The following COL9A1 variants were observed in gnomAD, a reference collection of about 807,000 sequenced individuals.
COL9A1 encodes collagen alpha-1(IX) chain.
Under a neutral mutation model 142.6 loss-of-function variants are expected in COL9A1, and 104 were observed. That is an observed-to-expected ratio of 0.73 (90% CI 0.62 to 0.86). The LOEUF (loss-of-function observed/expected upper bound fraction) is 0.86. Ranked by LOEUF, COL9A1 falls within the 40% of genes least tolerant of loss-of-function variation. The pLI is 0.00. For synonymous variants in COL9A1, 466 were observed against 396.0 expected (o/e 1.18, Z -2.10); for missense variants, 1,210 against 1,176.6 (o/e 1.03, Z -0.42).
At chr6:70,289,480 C>T (rs1449258067) in intron 5 of COL9A1, among the ~76,000 whole-genome samples, 1 of 152,068 alleles carries the variant, frequency 6.6e-6, no homozygotes, top group African/African-American at 2.4e-5. Flanking sequence ...CATTTCATTG[C>T]CACCTAGTGG....
At chr6:70,290,364 C>T (rs945491938) in intron 5 of COL9A1, among the ~76,000 whole-genome samples, 7 of 151,996 alleles carry the variant, frequency 4.6e-5, no homozygotes, top group African/African-American at 1.7e-4. Context: ...AATATTGGCA[C>T]AAAGGAGAAT....
chr6:70,216,872 A>G lies in COL9A1; in HGVS notation c.*25T>C, dbSNP rs755948864. ...CTCCTTCACCAGGCGTGGTTCATGC[A>G]GACAGCCATGCAGCAGTAAGCCTTT... On this transcript the variant is annotated 3_prime_UTR_variant, in exon 38 of 38. Transcript: ENST00000357250. 1.2e-6 allele frequency: 2 copies of G among 1,613,138 alleles called. No homozygotes were observed. The highest frequency in any genetic ancestry group is 3.3e-5 in the Admixed American group (2 of 60,018).
chr6:70,286,138 C>T (rs186448907), intron 5 of COL9A1, among the ~76,000 whole-genome samples: 12 of 152,174 alleles, frequency 7.9e-5, no homozygotes, highest in East Asian at 1.9e-4. Context: ...CCGCCTGCCT[C>T]GGCCTCCCAA....
At chr6:70,295,281 CTTTTTT>C (rs1171549562) in intron 4 of COL9A1, among the ~76,000 whole-genome samples, 81 of 63,168 alleles carry the variant, frequency 1.3e-3, no homozygotes, top group African/African-American at 5.1e-3. Context: ...GTTGTTGCTT[CTTTTTT>C]TTTTTTTTTT....
chr6:70,263,245 G>T lies in COL9A1; in HGVS notation c.1394C>A (p.Pro465Gln). Residue 465 changes from proline (P) to glutamine (Q), a missense_variant and splice_region_variant, in exon 19 of 38, where the codon CCA becomes CAA. Pro to Gln is a moderately conservative substitution (Grantham distance 76). Coordinates refer to ENST00000357250, the MANE Select transcript of COL9A1 (RefSeq NM_001851.6). ...ELGEVGAQGP[P>Q]GAQGLRGITG... ...AATATTTTTTAAAAAATACTTTACT[G>T]GAGGTCCTTGAGCTCCAACTTCTCC... The T allele has an allele frequency of 6.2e-7, 1 of 1,603,060 alleles. No homozygotes were observed. The highest frequency in any genetic ancestry group is 1.1e-5 in the South Asian group (1 of 88,802).
chr6:70,239,258 C>G lies in COL9A1; in HGVS notation c.2108G>C (p.Gly703Ala). Residue 703 changes from glycine to alanine, a missense_variant, in exon 33 of 38, where the codon GGA becomes GCA. Physicochemically the swap from Gly to Ala is moderately conservative, Grantham distance 60. Transcript: ENST00000357250. ...ATTACTATTCACCATACTTACAGAT[C>G]CCTTTGGGCCAGGTAATCCTATATC... ...LGDIGLPGPK[G>A]SAGNPGEPGL... 6.4e-7 allele frequency: 1 copy of G among 1,554,628 alleles called. No individual in the cohort carries two copies. The highest frequency in any genetic ancestry group is 8.9e-7 in the Non-Finnish European group (1 of 1,126,352).
chr6:70,220,982 C>A (rs953126825), intron 37 of COL9A1, among the ~76,000 whole-genome samples: 2 of 151,940 alleles, frequency 1.3e-5, no homozygotes, highest in African/African-American at 4.8e-5. Context: ...TACTAATTAC[C>A]CTAATCTGGT....
intron 10 of COL9A1, chr6:70,280,063 G>A (rs1055512431): frequency 4.4e-6 from 3 of 686,322 alleles, no homozygotes; most frequent in Admixed American, 2.1e-5. Context: ...AAGAGGAGAA[G>A]CTGAGAATCC....
intron 37 of COL9A1, among the ~76,000 whole-genome samples, chr6:70,218,517 T>C (rs1056808562): frequency 3.3e-5 from 5 of 152,198 alleles, no homozygotes; most frequent in African/African-American, 4.8e-5. Context: ...TAAAACAAAT[T>C]GTGTATGCCA....
intron 10 of COL9A1, 23 bp downstream of exon 10, chr6:70,280,789 C>T (rs765073069): frequency 6.2e-7 from 1 of 1,607,960 alleles, no homozygotes; most frequent in Non-Finnish European, 8.5e-7. Context: ...GGCTGGGCGC[C>T]CTCCCAGCAC....
At chr6:70,289,152 C>T (rs1401186345) in intron 5 of COL9A1, among the ~76,000 whole-genome samples, 1 of 152,004 alleles carries the variant, frequency 6.6e-6, no homozygotes, top group Non-Finnish European at 1.5e-5. Flanking sequence ...GCAAAGTTTC[C>T]TCCAGCTCTG....
chr6:70,274,923 T>C lies in COL9A1; in HGVS notation c.976-151A>G. 7.8e-6 allele frequency: 5 copies of C among 640,928 alleles called. No homozygotes were observed. In the South Asian group the frequency reaches 9.5e-5, roughly 12 times the overall value. The allele number at this position is 640,928 out of a possible 1,614,324, so 39.7% of individuals were successfully genotyped here. On this transcript the variant is annotated intron_variant, in intron 10 of 37. Coordinates refer to ENST00000357250, the MANE Select transcript of COL9A1 (RefSeq NM_001851.6). ...ATAAAGAAATACCTTACTATAGTCT[T>C]ACTCAAAAGTAAAGATTAACAGAAG...
chr6:70,292,490 T>C (rs1466982617), intron 5 of COL9A1, among the ~76,000 whole-genome samples: 2 of 152,150 alleles, frequency 1.3e-5, no homozygotes, highest in African/African-American at 4.8e-5. Flanking sequence ...GTCTCCACTG[T>C]GATGTGAGAA....
At position 70,255,211 on chromosome 6, in the gene COL9A1, G is replaced by A; in HGVS notation, c.1558-8C>T. Reference sequence around the variant, plus strand: ...TCTAGCACCTTCAGCCCCCTGCAGGGAGGAAGAGAAAGAATAGACAAGACA... The same window carrying A: ...TCTAGCACCTTCAGCCCCCTGCAGGAAGGAAGAGAAAGAATAGACAAGACA... On this transcript the variant is annotated splice_region_variant and splice_polypyrimidine_tract_variant and intron_variant, in intron 22 of 37. Coordinates refer to ENST00000357250, the MANE Select transcript of COL9A1 (RefSeq NM_001851.6). 6.2e-7 allele frequency: 1 copy of A among 1,614,080 alleles called. No individual in the cohort carries two copies. The highest frequency in any genetic ancestry group is 1.1e-5 in the South Asian group (1 of 91,080).
At chr6:70,270,134 T>G (rs1485336884) in intron 15 of COL9A1, among the ~76,000 whole-genome samples, 180 bp downstream of exon 15, 1 of 152,232 alleles carries the variant, frequency 6.6e-6, no homozygotes, top group Non-Finnish European at 1.5e-5. Context: ...TAAATTATTG[T>G]GATTCTTCTA....
chr6:70,290,611 T>G (rs571586608), intron 5 of COL9A1, among the ~76,000 whole-genome samples: 1 of 144,406 alleles, frequency 6.9e-6, no homozygotes, highest in African/African-American at 2.7e-5. Flanking sequence ...AGGGGGAAAA[T>G]AGCAAACAAG....
intron 29 of COL9A1, 84 bp downstream of exon 29, chr6:70,242,578 T>A: frequency 8.6e-7 from 1 of 1,162,424 alleles, no homozygotes; most frequent in Non-Finnish European, 1.3e-6. Context: ...GGTAATTCAA[T>A]TGTAAATTGT....
At chr6:70,301,716 A>T (rs1478424010) in intron 2 of COL9A1, among the ~76,000 whole-genome samples, 1 of 152,166 alleles carries the variant, frequency 6.6e-6, no homozygotes, top group Non-Finnish European at 1.5e-5. Context: ...CCATGTATTC[A>T]CCCAACATTT....
intron 7 of COL9A1, among the ~76,000 whole-genome samples, chr6:70,282,217 A>T (rs1214933419): frequency 6.6e-6 from 1 of 152,214 alleles, no homozygotes; most frequent in Non-Finnish European, 1.5e-5. Flanking sequence ...CTTCTGAATT[A>T]AAAAAAGAAA....
Sources: gnomAD v4.1 joint callset for allele counts (sites outside exome capture counted in the v4.1 genomes callset) on GRCh38, gnomAD v4.1.1 for gene constraint, MANE v1.5 for transcripts, NCBI Gene and HGNC (gene_info 2026-07-23, HGNC 2026-07-21) for gene names.